ITCH: variants seen among roughly 807,000 people sequenced by gnomAD.
The protein encoded by ITCH is E3 ubiquitin-protein ligase Itchy homolog.
Under a neutral mutation model 126.8 loss-of-function variants are expected in ITCH, and 28 were observed. That is an observed-to-expected ratio of 0.22 (90% CI 0.16 to 0.30). The LOEUF (loss-of-function observed/expected upper bound fraction) is 0.30. ITCH is among the 10% of genes least tolerant of loss of function. The pLI, the probability that ITCH is intolerant of heterozygous loss-of-function variation, is 1.00. For missense variants in ITCH, 631 were observed against 1,032.4 expected (o/e 0.61, Z 5.33); for synonymous variants, 342 against 340.0 (o/e 1.01, Z -0.06).
At chr20:34,494,502 ATTC>A (rs1989727153) in intron 23 of ITCH, among the ~76,000 whole-genome samples, 1 of 152,170 alleles carries the variant, frequency 6.6e-6, no homozygotes, top group Non-Finnish European at 1.5e-5. Flanking sequence ...TTTTTAAATT[ATTC>A]TTAATTGACA....
chr20:34,478,123 A>G (rs375743367), intron 17 of ITCH, among the ~76,000 whole-genome samples: 3 of 152,204 alleles, frequency 2.0e-5, no homozygotes, highest in East Asian at 1.9e-4. Flanking sequence ...TTATAGGATG[A>G]TGAAGAGGCT....
chr20:34,417,774 G>C (rs930694460), intron 6 of ITCH, among the ~76,000 whole-genome samples: 3 of 146,976 alleles, frequency 2.0e-5, no homozygotes, highest in Non-Finnish European at 4.5e-5. Context: ...TAACAAATCA[G>C]GTGTGGGCAG....
intron 7 of ITCH, among the ~76,000 whole-genome samples, chr20:34,432,983 A>T (rs1982512087): frequency 3.3e-5 from 5 of 151,078 alleles, no homozygotes; most frequent in Admixed American, 3.3e-4. Flanking sequence ...CAAACAAAAA[A>T]ACACTATTAA....
chr20:34,477,923 C>T, intron 17 of ITCH, 63 bp downstream of exon 17: 4 of 1,597,706 alleles, frequency 2.5e-6, no homozygotes, highest in Middle Eastern at 1.7e-4. Flanking sequence ...TTGCACTTCG[C>T]TTGCAAGTAT....
rs542786544 is a variant in ITCH at position 34,508,236 on chromosome 20, G to C, written c.*442G>C. 21 of 192,388 alleles carry C rather than the reference G, an allele frequency of 1.1e-4. No individual in the cohort carries two copies. The highest frequency in any genetic ancestry group is 9.6e-4 in the Admixed American group (18 of 18,694). The allele number at this position is 192,388 out of a possible 1,614,324, so 11.9% of individuals were successfully genotyped here. On this transcript the variant is annotated 3_prime_UTR_variant, in exon 25 of 25. Coordinates refer to ENST00000374864, the MANE Select transcript of ITCH (RefSeq NM_031483.7). ...TTGTTAAAAGTGCAAGCTTACTCCT[G>C]CTTCTGGGGATGTGAGCAAAATTCG...
At chr20:34,477,584 A>T (rs1988352446) in intron 16 of ITCH, among the ~76,000 whole-genome samples, 188 bp from the exon 17 acceptor site, 1 of 152,174 alleles carries the variant, frequency 6.6e-6, no homozygotes, top group Admixed American at 6.5e-5. Flanking sequence ...ATAGATGTAT[A>T]TAATAAAATA....
At chr20:34,436,353 T>G (rs1295221651) in intron 7 of ITCH, among the ~76,000 whole-genome samples, 3 of 152,228 alleles carry the variant, frequency 2.0e-5, no homozygotes, top group African/African-American at 4.8e-5. Flanking sequence ...AATTTCCCAA[T>G]TTTTGGTCTA....
At chr20:34,414,093 A>G (rs1979459865) in intron 6 of ITCH, among the ~76,000 whole-genome samples, 1 of 151,646 alleles carries the variant, frequency 6.6e-6, no homozygotes, top group African/African-American at 2.4e-5. Flanking sequence ...TCTGAGCCGT[A>G]ATCACATCAC....
At chr20:34,476,538 A>C in intron 16 of ITCH, 36 of 970,720 alleles carry the variant, frequency 3.7e-5, no homozygotes, top group South Asian at 5.2e-5. Flanking sequence ...GACATTTCTC[A>C]TTTGCGTTGC....
At chr20:34,497,721 G>A (rs780064426) in intron 23 of ITCH, among the ~76,000 whole-genome samples, 13 of 152,222 alleles carry the variant, frequency 8.5e-5, no homozygotes, top group Non-Finnish European at 1.6e-4. Context: ...TGGGATTACA[G>A]GCATATGCCA....
rs1460138625 is a variant in ITCH, at chr20:34,445,399, C to G, written c.1078C>G (p.Gln360Glu). ...LESVRNYEQW[Q>E]LQRSQLQGAM... ...ATCCGTCCGGAACTATGAACAATGGCAGCTACAGCGTAGTCAGCTTCAAGG... is the reference window on the plus strand; with the variant it reads ...ATCCGTCCGGAACTATGAACAATGGGAGCTACAGCGTAGTCAGCTTCAAGG... Residue 360 changes from glutamine (Q) to glutamate (E), a missense_variant, in exon 11 of 25, where the codon CAG (glutamine) becomes GAG (glutamate). Coordinates refer to ENST00000374864, the MANE Select transcript of ITCH (RefSeq NM_031483.7). The G allele has an allele frequency of 6.2e-7, 1 of 1,613,890 alleles. No individual in the cohort carries two copies. Among genetic ancestry groups the G allele is most frequent in the African/African-American group, 1.3e-5 (1 of 74,874 alleles).
At chr20:34,401,084 C>T (rs2146108101) in intron 3 of ITCH, among the ~76,000 whole-genome samples, 2 of 152,158 alleles carry the variant, frequency 1.3e-5, no homozygotes, top group Middle Eastern at 3.4e-3. Flanking sequence ...TATAAAGACA[C>T]ATTCTCATTG....
intron 16 of ITCH, among the ~76,000 whole-genome samples, chr20:34,474,024 A>G (rs1022054309): frequency 6.6e-6 from 1 of 152,256 alleles, no homozygotes; most frequent in African/African-American, 2.4e-5. Flanking sequence ...CTAGGTAAAC[A>G]GATGAGATTA....
intron 24 of ITCH, among the ~76,000 whole-genome samples, chr20:34,507,042 A>G (rs189344036): frequency 6.6e-6 from 1 of 152,296 alleles, no homozygotes; most frequent in Non-Finnish European, 1.5e-5. Context: ...ACTGTGGTAG[A>G]ATATAGATAT....
chr20:34,477,964 G>A, intron 17 of ITCH, 104 bp downstream of exon 17: 1 of 1,431,122 alleles, frequency 7.0e-7, no homozygotes, highest in Non-Finnish European at 9.7e-7. Flanking sequence ...TTAGGAAAAT[G>A]AAATATGTCA....
At chr20:34,412,402 G>A (rs1416044711) in intron 4 of ITCH, 113 bp from the exon 5 acceptor site, 5 of 765,550 alleles carry the variant, frequency 6.5e-6, no homozygotes, top group Non-Finnish European at 6.6e-6. Context: ...ATAGTAAACT[G>A]TAAGGGGTGC....
At chr20:34,456,158 TTG>T (rs1161624865) in intron 12 of ITCH, among the ~76,000 whole-genome samples, 1,324 of 47,552 alleles carry the variant, frequency 0.028, 67 homozygotes, top group Non-Finnish European at 0.044. Flanking sequence ...TTTTTATATA[TTG>T]TGTGTGTGTG....
intron 3 of ITCH, among the ~76,000 whole-genome samples, chr20:34,394,917 C>A (rs1300312482): frequency 6.6e-6 from 1 of 151,944 alleles, no homozygotes; most frequent in Non-Finnish European, 1.5e-5. Context: ...ACAAAAGTCT[C>A]TCCAGGTCCA....
At chr20:34,456,200 ATATATATATATATATTTTTTTTTT>A (rs1985943796) in intron 12 of ITCH, among the ~76,000 whole-genome samples, 6 of 36,650 alleles carry the variant, frequency 1.6e-4, no homozygotes, top group Non-Finnish European at 2.6e-4. Flanking sequence ...ATATATATAT[ATATATATATATATATTTTTTTTTT>A]TTTTTTTTTT....
Sources: allele counts gnomAD v4.1 joint callset (sites outside exome capture counted in the v4.1 genomes callset), GRCh38; gene constraint gnomAD v4.1.1; transcripts MANE v1.5; gene names NCBI Gene and HGNC (gene_info 2026-07-23, HGNC 2026-07-21).